PLXNA4: variants seen among roughly 807,000 people sequenced by gnomAD.
PLXNA4 encodes plexin A4, also known as plexin-A4.
A neutral mutation model predicts 191.8 loss-of-function variants in PLXNA4; 44 were observed. The ratio of observed to expected loss-of-function variants is 0.23; its 90% CI spans 0.18 to 0.29. The LOEUF (loss-of-function observed/expected upper bound fraction) is 0.29. Ranked by LOEUF, PLXNA4 falls within the 10% of genes least tolerant of loss-of-function variation. The pLI is 1.00. For missense variants in PLXNA4, 1,800 were observed against 2,488.8 expected (o/e 0.72, Z 5.89); for synonymous variants, 1,082 against 1,009.5 (o/e 1.07, Z -1.36).
chr7:132,453,272 G>C (rs1406409538), intron 3 of PLXNA4, among the ~76,000 whole-genome samples: 2 of 152,102 alleles, frequency 1.3e-5, no homozygotes, highest in South Asian at 2.1e-4. Context: ...GATGGGCAAG[G>C]CTGGAGAGAA....
At chr7:132,561,676 TCTC>T (rs1169271413) in intron 1 of PLXNA4, among the ~76,000 whole-genome samples, 7 of 51,068 alleles carry the variant, frequency 1.4e-4, no homozygotes, top group African/African-American at 3.8e-4. Flanking sequence ...TCCTCCTCCT[TCTC>T]CTCCTCCTTC....
At chr7:132,338,320 T>C (rs985478795) in intron 3 of PLXNA4, among the ~76,000 whole-genome samples, 2 of 152,216 alleles carry the variant, frequency 1.3e-5, no homozygotes, top group Non-Finnish European at 2.9e-5. Flanking sequence ...GATGAAACTT[T>C]AGTGTGTCAG....
At chr7:132,337,161 T>G (rs1292271144) in intron 3 of PLXNA4, among the ~76,000 whole-genome samples, 1 of 152,244 alleles carries the variant, frequency 6.6e-6, no homozygotes, top group African/African-American at 2.4e-5. Flanking sequence ...CTTTATTGCA[T>G]TGCCAACATT....
chr7:132,347,436 C>A (rs1318389347), intron 3 of PLXNA4, among the ~76,000 whole-genome samples: 1 of 152,148 alleles, frequency 6.6e-6, no homozygotes, highest in African/African-American at 2.4e-5. Flanking sequence ...TGTTCAAAAG[C>A]CGGCATGTGT....
At chr7:132,472,141 C>T (rs1000852627) in intron 3 of PLXNA4, among the ~76,000 whole-genome samples, 1 of 152,214 alleles carries the variant, frequency 6.6e-6, no homozygotes, top group African/African-American at 2.4e-5. Context: ...CCTGACCTTT[C>T]TTTCCGATTC....
intron 3 of PLXNA4, among the ~76,000 whole-genome samples, chr7:132,478,058 C>T (rs1224929062): frequency 2.0e-5 from 3 of 152,196 alleles, no homozygotes; most frequent in Non-Finnish European, 4.4e-5. Context: ...ATCAGCATCC[C>T]TCCAGCCATG....
At chr7:132,414,653 T>A (rs1026174593) in intron 3 of PLXNA4, among the ~76,000 whole-genome samples, 1 of 152,158 alleles carries the variant, frequency 6.6e-6, no homozygotes, top group African/African-American at 2.4e-5. Context: ...AGTACTCCAC[T>A]GATTATGAGG....
intron 4 of PLXNA4, among the ~76,000 whole-genome samples, chr7:132,270,711 G>T (rs944760122): frequency 6.6e-6 from 1 of 152,158 alleles, no homozygotes; most frequent in Non-Finnish European, 1.5e-5. Flanking sequence ...TTTACAATGC[G>T]GAGGAGCTGT....
intron 2 of PLXNA4, among the ~76,000 whole-genome samples, chr7:132,507,148 C>T (rs125096): frequency 0.41 from 62,466 of 151,910 alleles, 13,119 homozygotes; most frequent in African/African-American, 0.48. Context: ...ACGTGTCTTG[C>T]ACTACAGCAC....
chr7:132,525,327 G>A (rs1205140270), intron 1 of PLXNA4, among the ~76,000 whole-genome samples: 4 of 152,188 alleles, frequency 2.6e-5, no homozygotes, highest in Admixed American at 1.3e-4. Flanking sequence ...ACGGCTCACT[G>A]CAGCCTCTAA....
chr7:132,449,857 G>T (rs180761740), intron 3 of PLXNA4, among the ~76,000 whole-genome samples: 2 of 152,356 alleles, frequency 1.3e-5, no homozygotes, highest in Admixed American at 1.3e-4. Flanking sequence ...GGGGAACCAA[G>T]ACCTCTCTGA....
In PLXNA4 at chr7:132,328,498, C is replaced by T. The variant is rs116434339; in HGVS notation, c.1372-30276G>A. Among the ~76,000 whole-genome samples the T allele has an allele frequency of 6.1e-3, 928 of 152,312 alleles. 17 individuals are homozygous for T. The highest frequency in any genetic ancestry group is 0.021 in the African/African-American group (880 of 41,564). ...GCCTCCTGCCCCTGCCCCACACCTC[C>T]ACCACCTCTGTTCCAGTGGAATCAG... On this transcript the variant is annotated intron_variant, in intron 3 of 31. Transcript: ENST00000321063.
chr7:132,307,309 G>T (rs1055675858), intron 3 of PLXNA4, among the ~76,000 whole-genome samples: 1 of 151,926 alleles, frequency 6.6e-6, no homozygotes, highest in East Asian at 1.9e-4. Context: ...TTTTCACAGC[G>T]CTTGTCCCCT....
intron 12 of PLXNA4, 45 bp from the exon 13 acceptor site, chr7:132,198,681 C>T (rs1293253559): frequency 1.9e-6 from 3 of 1,604,020 alleles, no homozygotes; most frequent in African/African-American, 1.3e-5. Context: ...CAAGATACTG[C>T]CACTCACTTG....
intron 2 of PLXNA4, among the ~76,000 whole-genome samples, chr7:132,598,435 A>AT (rs1324264634): frequency 1.3e-5 from 2 of 152,114 alleles, no homozygotes; most frequent in African/African-American, 4.8e-5. Flanking sequence ...TTGGCATGAG[A>AT]TTTTCCATAT....
At chr7:132,165,432 G>T (rs113790130) in intron 22 of PLXNA4, among the ~76,000 whole-genome samples, 1,992 of 152,328 alleles carry the variant, frequency 0.013, 48 homozygotes, top group African/African-American at 0.045. Context: ...ATTTTGGGCA[G>T]CAGGCTGTGG....
At chr7:132,462,229 T>G (rs1796534807) in intron 3 of PLXNA4, among the ~76,000 whole-genome samples, 1 of 152,150 alleles carries the variant, frequency 6.6e-6, no homozygotes, top group African/African-American at 2.4e-5. Flanking sequence ...TTCAAAAACT[T>G]AAGGGTAACC....
At chr7:132,277,670 G>A (rs1800329622) in intron 4 of PLXNA4, among the ~76,000 whole-genome samples, 1 of 152,196 alleles carries the variant, frequency 6.6e-6, no homozygotes, top group Admixed American at 6.5e-5. Flanking sequence ...CAATAAACCT[G>A]TAAACTTTCT....
intron 3 of PLXNA4, among the ~76,000 whole-genome samples, chr7:132,385,716 G>A (rs988419701): frequency 5.3e-5 from 8 of 152,154 alleles, no homozygotes; most frequent in African/African-American, 1.4e-4. Flanking sequence ...GTGCATGCGC[G>A]CACACACACG....
Sources: gnomAD v4.1 joint callset for allele counts (sites outside exome capture counted in the v4.1 genomes callset) on GRCh38, gnomAD v4.1.1 for gene constraint, MANE v1.5 for transcripts, NCBI Gene and HGNC (gene_info 2026-07-23, HGNC 2026-07-21) for gene names.